The following MTOR variants were observed in gnomAD, a reference collection of about 807,000 sequenced individuals.
The protein encoded by MTOR is serine/threonine-protein kinase mTOR.
A neutral mutation model predicts 319.8 loss-of-function variants in MTOR; 70 were observed. The observed-to-expected ratio is 0.22, with a 90% CI of 0.18 to 0.27. MTOR has a LOEUF of 0.27. Ranked by LOEUF, MTOR falls within the 10% of genes least tolerant of loss-of-function variation. The probability of loss-of-function intolerance (pLI) is 1.00; values close to 1 mark genes in which losing one functional copy is unlikely to be tolerated. For synonymous variants in MTOR, 1,183 were observed against 1,211.4 expected (o/e 0.98, Z 0.49); for missense variants, 1,890 against 3,274.4 (o/e 0.58, Z 10.32).
chr1:11,216,641 G>A (rs1224772626), intron 19 of MTOR, among the ~76,000 whole-genome samples: 3 of 138,372 alleles, frequency 2.2e-5, no homozygotes, highest in Non-Finnish European at 4.7e-5. Flanking sequence ...GACAGGGTGA[G>A]ACCCTGTCTC....
intron 19 of MTOR, among the ~76,000 whole-genome samples, chr1:11,219,049 A>C (rs1646571856): frequency 6.6e-6 from 1 of 152,032 alleles, no homozygotes; most frequent in Non-Finnish European, 1.5e-5. Context: ...TCTCTACCAG[A>C]AGTACAAAAA....
chr1:11,170,891 A>G (rs918802389), intron 28 of MTOR, among the ~76,000 whole-genome samples: 3 of 151,576 alleles, frequency 2.0e-5, no homozygotes, highest in Non-Finnish European at 4.4e-5. Flanking sequence ...TTGTTCTGAT[A>G]AGGAAGATAA....
At chr1:11,230,892 T>C in intron 18 of MTOR, 33 bp downstream of exon 18, 4 of 1,612,758 alleles carry the variant, frequency 2.5e-6, no homozygotes, top group South Asian at 2.2e-5. Flanking sequence ...GAGTGAGAAC[T>C]TGGCAAGTCT....
At position 11,107,314 on chromosome 1, in the gene MTOR, CA is replaced by C; in HGVS notation, c.*170del. ...TTTCTGACAATATATTCTTCAACAG[CA>C]GCTAGAAAGTTGGTTCAAACCAACT... On this transcript the variant is annotated 3_prime_UTR_variant, in exon 58 of 58. Transcript: ENST00000361445. 1 of 1,490,392 alleles carries C rather than the reference CA, an allele frequency of 6.7e-7. No individual in the cohort carries two copies. Among genetic ancestry groups the C allele is most frequent in the Non-Finnish European group, 8.9e-7 (1 of 1,122,470 alleles). The allele number at this position is 1,490,392 out of a possible 1,614,324, so 92.3% of individuals were successfully genotyped here. A position where few individuals can be genotyped will look rare whatever the true frequency, so the allele number is the denominator to read the frequency against.
Position 11,106,631 on chromosome 1 carries a change from TTGAG to T in MTOR, c.*850_*853del. 6 of 1,090,304 alleles carry T rather than the reference TTGAG, an allele frequency of 5.5e-6. No individual in the cohort carries two copies. The South Asian group carries it at 1.2e-4, about 22-fold the overall frequency. The allele number at this position is 1,090,304 out of a possible 1,614,324, so 67.5% of individuals were successfully genotyped here. On this transcript the variant is annotated 3_prime_UTR_variant, in exon 58 of 58. Coordinates refer to ENST00000361445, the MANE Select transcript of MTOR (RefSeq NM_004958.4). ...TACACTTTATACTTTGTGCATTTAG[TTGAG>T]TATTTGTTCTGCTCATAATTTCCAA...
chr1:11,182,010 G>C (rs770681288), intron 28 of MTOR, among the ~76,000 whole-genome samples: 7 of 152,144 alleles, frequency 4.6e-5, no homozygotes, highest in Non-Finnish European at 8.8e-5. Flanking sequence ...CTGAGGTCAG[G>C]AGTTCGAGAC....
intron 20 of MTOR, among the ~76,000 whole-genome samples, chr1:11,213,870 C>T (rs1048171878): frequency 6.6e-6 from 1 of 152,224 alleles, no homozygotes; most frequent in African/African-American, 2.4e-5. Context: ...CTTTCTAGAC[C>T]TGGCTCTAGC....
chr1:11,180,959 T>C (rs1042547731), intron 28 of MTOR, among the ~76,000 whole-genome samples: 1 of 152,136 alleles, frequency 6.6e-6, no homozygotes, highest in East Asian at 1.9e-4. Context: ...GTATTTTTAA[T>C]AGAGACGGGG....
intron 30 of MTOR, chr1:11,152,288 A>G (rs1355627132): frequency 6.6e-6 from 1 of 152,184 alleles, no homozygotes. Context: ...AGGACTGGGT[A>G]AAAGGTGCAC....
chr1:11,209,308 T>C lies in MTOR; in HGVS notation c.3801+4A>G. 6.2e-7 allele frequency: 1 copy of C among 1,614,192 alleles called. No individual in the cohort carries two copies. Among genetic ancestry groups the C allele is most frequent in the Non-Finnish European group, 8.5e-7 (1 of 1,180,008 alleles). ...TTCCCAGTCACCTGAAACAATGGAC[T>C]TGCCTTTTGGAGGTTGATGGTGCTG... On this transcript the variant is annotated splice_donor_region_variant and intron_variant, in intron 25 of 57. Coordinates refer to ENST00000361445, the MANE Select transcript of MTOR (RefSeq NM_004958.4).
chr1:11,212,531 G>A lies in MTOR; in HGVS notation c.3399-57C>T, dbSNP rs575202539. 43 of 1,562,670 alleles carry A rather than the reference G, an allele frequency of 2.8e-5. No homozygotes were observed. The highest frequency in any genetic ancestry group is 6.0e-5 in the South Asian group (5 of 82,822). On this transcript the variant is annotated intron_variant, in intron 22 of 57. Transcript: ENST00000361445. This position sits in a 1 kb window ranked among gnomAD's most constrained non-coding sequence, Gnocchi z 4.1. ...AACATACAATCTCCAAGGAAGAGACGTGACTGAGGGTGAGCTTAACAATCA... is the reference window on the plus strand; with the variant it reads ...AACATACAATCTCCAAGGAAGAGACATGACTGAGGGTGAGCTTAACAATCA...
Position 11,148,757 on chromosome 1 carries a change from G to A in MTOR, c.4570+1369C>T, listed in dbSNP as rs201427656. On this transcript the variant is annotated intron_variant, in intron 31 of 57. Coordinates refer to ENST00000361445, the MANE Select transcript of MTOR (RefSeq NM_004958.4). The stretch of plus-strand genomic sequence containing the variant: ...TCTACTAAAAATAGAAAAATTAGCC[G>A]GGCGTGGTGGCAGTGCCTGGAATCC... Among the ~76,000 whole-genome samples, 6 of 152,090 alleles carry A rather than the reference G, an allele frequency of 3.9e-5. No homozygotes were observed. The East Asian group carries it at 7.7e-4, about 20-fold the overall frequency.
At chr1:11,193,467 G>A (rs989477580) in intron 28 of MTOR, 3 of 901,988 alleles carry the variant, frequency 3.3e-6, no homozygotes, top group Admixed American at 2.9e-5. Flanking sequence ...GTGACTGCGG[G>A]AGTGCACACA....
intron 23 of MTOR, 147 bp from the exon 24 acceptor site, chr1:11,211,053 T>A (rs1646296779): frequency 8.3e-6 from 5 of 601,094 alleles, no homozygotes; most frequent in African/African-American, 1.9e-5. Flanking sequence ...CTTCTTCCCA[T>A]CTCCCGTTAT....
intron 19 of MTOR, among the ~76,000 whole-genome samples, chr1:11,218,784 G>A (rs187384993): frequency 1.3e-4 from 20 of 152,118 alleles, no homozygotes; most frequent in Non-Finnish European, 2.6e-4. Flanking sequence ...CTTTTTGCTC[G>A]GAACATGAGT....
intron 31 of MTOR, among the ~76,000 whole-genome samples, chr1:11,147,091 G>C (rs1643955047): frequency 6.6e-6 from 1 of 152,220 alleles, no homozygotes; most frequent in South Asian, 2.1e-4. Flanking sequence ...TGGGCTGAAT[G>C]CAGCACCTCA....
chr1:11,202,219 G>A (rs1211355315), intron 26 of MTOR, among the ~76,000 whole-genome samples: 1 of 152,046 alleles, frequency 6.6e-6, no homozygotes, highest in African/African-American at 2.4e-5. Context: ...TGCGAGGTCA[G>A]GAGATCGAGA....
chr1:11,107,178 G>A lies in MTOR; in HGVS notation c.*307C>T. The A allele has an allele frequency of 7.2e-7, 1 of 1,381,872 alleles. No homozygotes were observed. The allele number at this position is 1,381,872 out of a possible 1,614,324, so 85.6% of individuals were successfully genotyped here. ...TATGATGAGTTCTCTTGTGAGTTAA[G>A]TCAAAACCCGTATTTCTAAAGTTAT... On this transcript the variant is annotated 3_prime_UTR_variant, in exon 58 of 58. Transcript: ENST00000361445.
At chr1:11,254,628 TC>T (rs1198392260) in intron 5 of MTOR, among the ~76,000 whole-genome samples, 4 of 152,160 alleles carry the variant, frequency 2.6e-5, no homozygotes, top group Non-Finnish European at 4.4e-5. Context: ...ACTGATAAGT[TC>T]CCTCTGCAGC....
Sources: allele counts gnomAD v4.1 joint callset (sites outside exome capture counted in the v4.1 genomes callset), GRCh38; gene constraint gnomAD v4.1.1; non-coding constraint Gnocchi (gnomAD v3.1); transcripts MANE v1.5; gene names NCBI Gene and HGNC (gene_info 2026-07-23, HGNC 2026-07-21).